The following CELSR2 variants were observed in gnomAD, a reference collection of about 807,000 sequenced individuals.
CELSR2 encodes the protein EGF-like protein 2.
Under a neutral mutation model 251.6 loss-of-function variants are expected in CELSR2, and 81 were observed. The observed-to-expected ratio is 0.32, with a 90% confidence interval of 0.27 to 0.39. CELSR2 has a LOEUF of 0.39. Ranked by LOEUF, CELSR2 falls within the 10% of genes least tolerant of loss-of-function variation. The probability of loss-of-function intolerance (pLI) is 1.00; values close to 1 mark genes in which losing one functional copy is unlikely to be tolerated. For synonymous variants in CELSR2, 1,721 were observed against 1,670.5 expected (o/e 1.03, Z -0.74); for missense variants, 3,365 against 3,947.7 (o/e 0.85, Z 3.96).
chr1:109,271,912 A>G (rs1471633798), intron 28 of CELSR2, among the ~76,000 whole-genome samples, 190 bp downstream of exon 28: 2 of 152,158 alleles, frequency 1.3e-5, no homozygotes, highest in East Asian at 3.8e-4. Flanking sequence ...TTTTGACTTG[A>G]GGGAGATGGG....
rs777625546 is a variant in CELSR2, at chr1:109,267,575, A to C, written c.6041A>C (p.His2014Pro). 43 of 1,614,012 alleles carry C rather than the reference A, an allele frequency of 2.7e-5. No homozygotes were observed. Among genetic ancestry groups the C allele is most frequent in the Non-Finnish European group, 3.6e-5 (43 of 1,180,018 alleles). The change falls in exon 16 of 34, where the codon CAC becomes CCC. Residue 2014 changes from histidine (H) to proline (P), a missense_variant. This residue lies in a region of CELSR2 where 2,093 missense variants were observed against 2,382.8 expected (regional missense o/e 0.88). Transcript: ENST00000271332. ...ACTGCTGTGCGCCACTGTGATGAGCACAGGGGGTGGCTCCCCCCAAACCTC... is the reference window on the plus strand; with the variant it reads ...ACTGCTGTGCGCCACTGTGATGAGCCCAGGGGGTGGCTCCCCCCAAACCTC... ...FGTAVRHCDE[H>P]RGWLPPNLFN...
intron 1 of CELSR2, among the ~76,000 whole-genome samples, chr1:109,256,475 C>G (rs1387834502): frequency 6.6e-6 from 1 of 152,162 alleles, no homozygotes; most frequent in Non-Finnish European, 1.5e-5. Context: ...TTCAGCTGAG[C>G]CACCGCTGGT....
In CELSR2 at chr1:109,274,929, A is replaced by T. The variant is rs1452458759; in HGVS notation, c.*880A>T. On this transcript the variant is annotated 3_prime_UTR_variant, in exon 34 of 34. Transcript: ENST00000271332. ...TTCTTTGCTGTGATGTGGGTGGGGG[A>T]GGAAGAGTAAACACAGTGCTGGCTC... 1 of 152,406 alleles carries T rather than the reference A, an allele frequency of 6.6e-6. No homozygotes were observed. The highest frequency in any genetic ancestry group is 1.5e-5 in the Non-Finnish European group (1 of 68,092). 9.4% of individuals were successfully genotyped at this position (152,406 alleles called of 1,614,324 possible).
Position 109,272,736 on chromosome 1 carries a change from CAG to C in CELSR2, c.8143+10_8143+11del. On this transcript the variant is annotated intron_variant, in intron 30 of 33. Coordinates refer to ENST00000271332, the MANE Select transcript of CELSR2 (RefSeq NM_001408.3). ...GTCAAGACCAGCAGCATGGTGAGGA[CAG>C]AACGCTCTGGCCACCCAGCAGGGCA... 1 of 1,613,890 alleles carries C rather than the reference CAG, an allele frequency of 6.2e-7. No individual in the cohort carries two copies. Among genetic ancestry groups the C allele is most frequent in the Non-Finnish European group, 8.5e-7 (1 of 1,179,892 alleles).
At position 109,267,839 on chromosome 1, in the gene CELSR2, C is replaced by G; in HGVS notation, c.6109-12C>G. 1 of 1,594,828 alleles carries G rather than the reference C, an allele frequency of 6.3e-7. No individual in the cohort carries two copies. Among genetic ancestry groups the G allele is most frequent in the Non-Finnish European group, 8.5e-7 (1 of 1,169,868 alleles). On this transcript the variant is annotated splice_polypyrimidine_tract_variant and intron_variant, in intron 16 of 33. Transcript: ENST00000271332. ...TGCCCTCACTCCTGCTCCTCCGCTC[C>G]GTCCTGTCTAGGCTGAGCGGCTACA...
Position 109,261,685 on chromosome 1 carries a change from C to T in CELSR2, c.4297+57C>T. 1.3e-6 allele frequency: 2 copies of T among 1,565,430 alleles called. No homozygotes were observed. Among genetic ancestry groups the T allele is most frequent in the Non-Finnish European group, 1.8e-6 (2 of 1,136,744 alleles). ...CTTCCAAAGGCCCCAAGTCTTCCAG[C>T]CCCTGACCCCAAGCCACATACTCTA... On this transcript the variant is annotated intron_variant, in intron 4 of 33. Coordinates refer to ENST00000271332, the MANE Select transcript of CELSR2 (RefSeq NM_001408.3). The surrounding 1 kb of genome is among the most constrained non-coding windows in gnomAD (Gnocchi z 4.8).
rs915761950 is a variant in CELSR2 at position 109,250,009 on chromosome 1, C to CGGGGCCGGCAGGAGCCGGAGGA, written c.-68_-47dup. On this transcript the variant is annotated 5_prime_UTR_variant, in exon 1 of 34. An upstream open reading frame in the 5' UTR loses its in-frame stop. Coordinates refer to ENST00000271332, the MANE Select transcript of CELSR2 (RefSeq NM_001408.3). This position sits in a 1 kb window ranked among gnomAD's most constrained non-coding sequence, Gnocchi z 4.4. ...GCCCTGGCCCGGGCATGAGGCGCGG[C>CGGGGCCGGCAGGAGCCGGAGGA]GGGGCCGGCAGGAGCCGGAGGAGGA... 2.4e-6 allele frequency: 3 copies of CGGGGCCGGCAGGAGCCGGAGGA among 1,232,396 alleles called. No individual in the cohort carries two copies. The highest frequency in any genetic ancestry group is 3.0e-6 in the Non-Finnish European group (3 of 990,148). 76.3% of individuals were successfully genotyped at this position (1,232,396 alleles called of 1,614,324 possible).
At chr1:109,266,039 TG>T in intron 14 of CELSR2, 65 bp from the exon 15 acceptor site, 1 of 1,596,442 alleles carries the variant, frequency 6.3e-7, no homozygotes. Flanking sequence ...TAGGGAGGGC[TG>T]GGGAGCCTGG....
chr1:109,258,788 C>T lies in CELSR2; in HGVS notation c.3667C>T (p.Arg1223Cys). The change falls in exon 2 of 34, where the codon CGC becomes TGC. Residue 1223 changes from arginine to cysteine, a missense_variant. Arg to Cys is a radical substitution (Grantham distance 180). This residue lies in a region of CELSR2 where 2,093 missense variants were observed against 2,382.8 expected (regional missense o/e 0.88). Coordinates refer to ENST00000271332, the MANE Select transcript of CELSR2 (RefSeq NM_001408.3). ...CCTGCTGACGGCCATCTCGGCACAG[C>T]GCGTGCTGCCCTTCGACGACAACAT... ...RSLLTAISAQ[R>C]VLPFDDNICL... is the part of the protein sequence containing the mutation. 1 of 1,607,010 alleles carries T rather than the reference C, an allele frequency of 6.2e-7. No individual in the cohort carries two copies. Among genetic ancestry groups the T allele is most frequent in the Non-Finnish European group, 8.5e-7 (1 of 1,176,958 alleles).
In CELSR2 at chr1:109,272,897, T is replaced by C; in HGVS notation, c.8208T>C (p.Ser2736=). Reference sequence around the variant, plus strand: ...ACGACCAGAGTGGCTCCTATGCCTCTACCCACTCATCAGACAGTGAGGAGG... The same window carrying C: ...ACGACCAGAGTGGCTCCTATGCCTCCACCCACTCATCAGACAGTGAGGAGG... The part of the protein sequence containing the change: ...LEDDQSGSYA[S]THSSDSEEEE... The change falls in exon 31 of 34, where the codon TCT becomes TCC. Residue 2736 remains serine (S), a synonymous_variant. Transcript: ENST00000271332. 1 of 1,613,952 alleles carries C rather than the reference T, an allele frequency of 6.2e-7. No individual in the cohort carries two copies. The highest frequency in any genetic ancestry group is 8.5e-7 in the Non-Finnish European group (1 of 1,179,968).
chr1:109,252,713 G>A lies in CELSR2; in HGVS notation c.2634G>A (p.Arg878=), dbSNP rs1169277010. Residue 878 remains arginine, a synonymous_variant, in exon 1 of 34, where the codon AGG becomes AGA. Transcript: ENST00000271332. The surrounding 1 kb of genome is among the most constrained non-coding windows in gnomAD (Gnocchi z 4.8). ...STSGIVRTLR[R]LDRENVAQYV... is the part of the protein sequence containing the mutation. ...CAGGCATCGTGCGAACGCTACGGAGGCTGGATCGAGAGAACGTGGCCCAGT... is the reference window on the plus strand; with the variant it reads ...CAGGCATCGTGCGAACGCTACGGAGACTGGATCGAGAGAACGTGGCCCAGT... 3 of 1,613,938 alleles carry A rather than the reference G, an allele frequency of 1.9e-6. No individual in the cohort carries two copies. The highest frequency in any genetic ancestry group is 8.5e-7 in the Non-Finnish European group (1 of 1,180,046).
At position 109,252,374 on chromosome 1, in the gene CELSR2, G is replaced by A. The variant is rs756001190; in HGVS notation, c.2295G>A (p.Gly765=). 1 of 1,612,952 alleles carries A rather than the reference G, an allele frequency of 6.2e-7. No homozygotes were observed. Among genetic ancestry groups the A allele is most frequent in the African/African-American group, 1.3e-5 (1 of 74,928 alleles). ...IPQFRIDADT[G]AVTTQAELDY... is the part of the protein sequence containing the mutation. ...AGTTCCGCATCGATGCAGACACGGG[G>A]GCTGTCACCACCCAGGCTGAGCTGG... The change falls in exon 1 of 34, where the codon GGG becomes GGA. Residue 765 remains glycine (G), a synonymous_variant. Coordinates refer to ENST00000271332, the MANE Select transcript of CELSR2 (RefSeq NM_001408.3). This position sits in a 1 kb window ranked among gnomAD's most constrained non-coding sequence, Gnocchi z 4.8.
At position 109,271,452 on chromosome 1, in the gene CELSR2, C is replaced by G. The variant is rs981973613; in HGVS notation, c.7743C>G (p.Leu2581=). ...LLSATWLLAL[L]SVNSDTLLFH... is the part of the protein sequence containing the mutation. ...GCGCCACGTGGCTGCTGGCACTGCT[C>G]TCTGTCAACAGCGACACCCTCCTCT... is the stretch of plus-strand genomic sequence containing the variant. Residue 2581 remains leucine (L), a synonymous_variant, in exon 27 of 34, where the codon CTC becomes CTG. Transcript: ENST00000271332. The G allele has an allele frequency of 6.2e-7, 1 of 1,614,102 alleles. No homozygotes were observed. The highest frequency in any genetic ancestry group is 1.3e-5 in the African/African-American group (1 of 75,066).
At position 109,273,006 on chromosome 1, in the gene CELSR2, C is replaced by T. The variant is rs778982508; in HGVS notation, c.8317C>T (p.Pro2773Ser). The change falls in exon 31 of 34, where the codon CCC becomes TCC. Residue 2773 changes from proline to serine, a missense_variant. This residue lies in a region of CELSR2 where 2,093 missense variants were observed against 2,382.8 expected (regional missense o/e 0.88). Transcript: ENST00000271332. ...GCTGGGGCCTGGAGCAGAGAGACTG[C>T]CCCTGCACAGTACTCCCAAGGGTGG... is the stretch of plus-strand genomic sequence containing the variant. ...SLLGPGAERL[P>S]LHSTPKDGGP... The T allele has an allele frequency of 2.5e-6, 4 of 1,612,706 alleles. No homozygotes were observed. The highest frequency in any genetic ancestry group is 3.4e-6 in the Non-Finnish European group (4 of 1,179,356).
rs1284932169 is a variant in CELSR2 at position 109,268,437 on chromosome 1, G to A, written c.6319-144G>A. ...GACCTGAGTGGGCAGTGCGGTCCAG[G>A]AGCATTTCAGGGGAGGCAACAGTGA... On this transcript the variant is annotated intron_variant, in intron 17 of 33. Transcript: ENST00000271332. The A allele has an allele frequency of 8.0e-6, 9 of 1,128,632 alleles. No individual in the cohort carries two copies. The African/African-American group carries it at 1.4e-4, about 18-fold the overall frequency. 69.9% of individuals were successfully genotyped at this position (1,128,632 alleles called of 1,614,324 possible). A position where few individuals can be genotyped will look rare whatever the true frequency, so the allele number is the denominator to read the frequency against.
chr1:109,270,731 C>T (rs1322860946), intron 24 of CELSR2, 131 bp downstream of exon 24: 2 of 1,248,688 alleles, frequency 1.6e-6, no homozygotes, highest in South Asian at 1.4e-5. Context: ...TCACAGGTGT[C>T]CCTCTGGTTT....
In CELSR2 at chr1:109,269,121, G is replaced by A. The variant is rs960244196; in HGVS notation, c.6643G>A (p.Val2215Met). The A allele has an allele frequency of 1.1e-5, 17 of 1,601,302 alleles. No individual in the cohort carries two copies. In the African/African-American group the frequency reaches 1.1e-4, roughly 10 times the overall value. Reference sequence around the variant, plus strand: ...GTGTCCCCTCCCAGAGACGCCCCCCGTGGTCAGGCCCGCAGGCCCCGGAGA... The same window carrying A: ...GTGTCCCCTCCCAGAGACGCCCCCCATGGTCAGGCCCGCAGGCCCCGGAGA... ...PESVFRETPP[V>M]VRPAGPGEAQ... The change falls in exon 20 of 34, where the codon GTG becomes ATG. Residue 2215 changes from valine to methionine, a missense_variant. Val to Met is a conservative substitution (Grantham distance 21). Transcript: ENST00000271332. This position sits in a 1 kb window ranked among gnomAD's most constrained non-coding sequence, Gnocchi z 6.4.
At chr1:109,267,732 G>C in intron 16 of CELSR2, 90 bp downstream of exon 16, 1 of 1,560,048 alleles carries the variant, frequency 6.4e-7, no homozygotes, top group Non-Finnish European at 8.7e-7. Flanking sequence ...CGGGGCTTCT[G>C]GAATTCCAGC....
Position 109,269,601 on chromosome 1 carries a change from C to T in CELSR2, c.6980+10C>T. The T allele has an allele frequency of 6.2e-7, 1 of 1,613,940 alleles. No homozygotes were observed. ...GGAACCATTCAATCCTGTGAGCCTG[C>T]ACTGCCCTCGCCCCCTCAGGCTTCG... On this transcript the variant is annotated intron_variant, in intron 21 of 33. Transcript: ENST00000271332. This position sits in a 1 kb window ranked among gnomAD's most constrained non-coding sequence, Gnocchi z 6.4.
Sources: gnomAD v4.1 joint callset for allele counts (sites outside exome capture counted in the v4.1 genomes callset) on GRCh38, gnomAD v4.1.1 for gene constraint, gnomAD v4.1.1 regional missense constraint, Gnocchi (gnomAD v3.1) non-coding constraint, MANE v1.5 for transcripts, NCBI Gene and HGNC (gene_info 2026-07-23, HGNC 2026-07-21) for gene names.